The following ATP10B variants were observed in gnomAD, a reference collection of about 807,000 sequenced individuals.
ATP10B encodes ATPase phospholipid transporting 10B (putative), also known as phospholipid-transporting ATPase VB.
A neutral mutation model predicts 141.2 loss-of-function variants in ATP10B; 122 were observed. The observed-to-expected ratio is 0.86, with a 90% CI of 0.75 to 1.00. The LOEUF (loss-of-function observed/expected upper bound fraction) is 1.00. Ranked by LOEUF, ATP10B falls within the 50% of genes least tolerant of loss-of-function variation. ATP10B has a pLI of 0.00. For missense variants in ATP10B, 1,876 were observed against 1,825.3 expected, an observed-to-expected ratio of 1.03 and a Z score of -0.51; for synonymous variants, 685 against 692.0, an observed-to-expected ratio of 0.99 and a Z score of 0.16.
chr5:160,819,813 C>CA (rs1773963862), intron 1 of ATP10B, among the ~76,000 whole-genome samples: 2 of 151,660 alleles, frequency 1.3e-5, no homozygotes, highest in South Asian at 4.2e-4. Context: ...CACCCTAAAT[C>CA]AAAAAACATA....
chr5:160,919,223 C>CAAAAAA, the ATP10B span, among the ~76,000 whole-genome samples: 441 of 26,940 alleles, frequency 0.016, 90 homozygotes, highest in East Asian at 0.2. Context: ...AACTCCGTCT[C>CAAAAAA]AAAAAAAAAA....
At chr5:160,789,282 A>C (rs538670270) in intron 1 of ATP10B, among the ~76,000 whole-genome samples, 8 of 152,158 alleles carry the variant, frequency 5.3e-5, no homozygotes, top group African/African-American at 1.9e-4. Flanking sequence ...GCAACAAGGG[A>C]TATGTTCTAA....
the ATP10B span, among the ~76,000 whole-genome samples, chr5:160,859,428 T>A: frequency 4.0e-5 from 6 of 151,860 alleles, no homozygotes; most frequent in African/African-American, 1.4e-4. Context: ...TATCTTGGTG[T>A]AGATTTCTTT....
chr5:160,889,006 T>C, the ATP10B span, among the ~76,000 whole-genome samples: 1 of 152,146 alleles, frequency 6.6e-6, no homozygotes, highest in Non-Finnish European at 1.5e-5. Flanking sequence ...AGACAAAATC[T>C]ACTGTGGGGA....
chr5:160,661,393 A>T (rs1384034422), intron 7 of ATP10B, among the ~76,000 whole-genome samples: 1 of 152,214 alleles, frequency 6.6e-6, no homozygotes, highest in Non-Finnish European at 1.5e-5. Flanking sequence ...TTGAAAACTG[A>T]TTTGAAAGCT....
At chr5:160,707,265 C>G (rs1056162952) in intron 3 of ATP10B, among the ~76,000 whole-genome samples, 4 of 152,190 alleles carry the variant, frequency 2.6e-5, no homozygotes, top group African/African-American at 9.6e-5. Context: ...TTATTCTCAT[C>G]TGAAACAATA....
intron 24 of ATP10B, among the ~76,000 whole-genome samples, chr5:160,587,711 C>G (rs963865637): frequency 6.6e-6 from 1 of 152,186 alleles, no homozygotes; most frequent in African/African-American, 2.4e-5. Context: ...GAAGTACATT[C>G]ATGATTTGGT....
At chr5:160,846,945 C>A (rs894455954) in intron 1 of ATP10B, among the ~76,000 whole-genome samples, 4 of 152,146 alleles carry the variant, frequency 2.6e-5, no homozygotes, top group Non-Finnish European at 5.9e-5. Flanking sequence ...TGATCCTATG[C>A]GGTTGAAGCC....
chr5:160,927,977 C>T, the ATP10B span, among the ~76,000 whole-genome samples: 1 of 150,760 alleles, frequency 6.6e-6, no homozygotes, highest in African/African-American at 2.4e-5. Flanking sequence ...GTGTTCCAGG[C>T]AGAGGGAAGA....
At chr5:160,659,417 A>T (rs1480635972) in intron 7 of ATP10B, among the ~76,000 whole-genome samples, 1 of 152,168 alleles carries the variant, frequency 6.6e-6, no homozygotes, top group East Asian at 1.9e-4. Flanking sequence ...GTGAGCTGAG[A>T]TCGCGCCATT....
Position 160,591,440 on chromosome 5 carries a change from CTACCTAGTAAG to C in ATP10B, c.3565-312_3565-302del, listed in dbSNP as rs1486343132. Among the ~76,000 whole-genome samples, 4 of 152,190 alleles carry C rather than the reference CTACCTAGTAAG, an allele frequency of 2.6e-5. No individual in the cohort carries two copies. In the East Asian group the frequency reaches 7.7e-4, roughly 29 times the overall value. On this transcript the variant is annotated intron_variant, in intron 22 of 25. Coordinates refer to ENST00000327245, the MANE Select transcript of ATP10B (RefSeq NM_025153.3). ...TCAAGAGGAGTAAATGCAATTGTGCCTACCTAGTAAGTACTCAGGCCTTAGTGCCTAGCCAA... is the reference window on the plus strand; with the variant it reads ...TCAAGAGGAGTAAATGCAATTGTGCCTACTCAGGCCTTAGTGCCTAGCCAA...
rs1197768853 is a variant in ATP10B at position 160,767,324 on chromosome 5, A to T, written c.-331+18235T>A. On this transcript the variant is annotated intron_variant, in intron 2 of 25. Coordinates refer to ENST00000327245, the MANE Select transcript of ATP10B (RefSeq NM_025153.3). ...AACCTGAGAAAAGCAGCTGTCTTTG[A>T]CTGAATACTCCCAGTGTGTCAGGCA... is the stretch of plus-strand genomic sequence containing the variant. Among the ~76,000 whole-genome samples, 5 of 152,120 alleles carry T rather than the reference A, an allele frequency of 3.3e-5. No homozygotes were observed. The East Asian group carries it at 9.6e-4, about 29-fold the overall frequency.
intron 6 of ATP10B, among the ~76,000 whole-genome samples, chr5:160,671,020 C>G (rs1482750385): frequency 6.6e-6 from 1 of 151,742 alleles, no homozygotes; most frequent in Non-Finnish European, 1.5e-5. Flanking sequence ...CAAAAATTAG[C>G]TGGGTGTGGT....
chr5:160,910,476 G>A, the ATP10B span, among the ~76,000 whole-genome samples: 1 of 152,154 alleles, frequency 6.6e-6, no homozygotes, highest in Non-Finnish European at 1.5e-5. Context: ...CTGGCCCGTA[G>A]TATGTGCTCA....
chr5:160,921,320 T>C, the ATP10B span, among the ~76,000 whole-genome samples: 3 of 152,164 alleles, frequency 2.0e-5, no homozygotes, highest in African/African-American at 7.2e-5. Flanking sequence ...GTTTCATAAT[T>C]GTACATAAAG....
At chr5:160,644,055 G>T in intron 9 of ATP10B, 83 bp downstream of exon 9, 1 of 1,128,826 alleles carries the variant, frequency 8.9e-7, no homozygotes, top group South Asian at 1.3e-5. Flanking sequence ...GTGAACAGTT[G>T]TTGGTTCCCA....
chr5:160,646,636 T>C (rs374885569), intron 8 of ATP10B, among the ~76,000 whole-genome samples: 1 of 152,204 alleles, frequency 6.6e-6, no homozygotes, highest in Non-Finnish European at 1.5e-5. Context: ...AGGCTGGCTG[T>C]GGATTTAATA....
chr5:160,811,550 C>T (rs560403675), intron 1 of ATP10B, among the ~76,000 whole-genome samples: 1 of 152,144 alleles, frequency 6.6e-6, no homozygotes, highest in Non-Finnish European at 1.5e-5. Flanking sequence ...CAATACTTCC[C>T]GTGGATCAGT....
In ATP10B at chr5:160,575,989, C is replaced by T. The variant is rs781418990; in HGVS notation, c.3751-6306G>A. Among the ~76,000 whole-genome samples, 9 of 152,282 alleles carry T rather than the reference C, an allele frequency of 5.9e-5. No homozygotes were observed. The South Asian group carries it at 1.9e-3, about 32-fold the overall frequency. On this transcript the variant is annotated intron_variant, in intron 24 of 25. Transcript: ENST00000327245. The stretch of plus-strand genomic sequence containing the variant: ...CTTTCTACATTACGGCAAGAAATTG[C>T]CAGTTGCTCCAGGCTTCCAAACAAC...
Sources: allele counts gnomAD v4.1 joint callset (sites outside exome capture counted in the v4.1 genomes callset), GRCh38; gene constraint gnomAD v4.1.1; transcripts MANE v1.5; gene names NCBI Gene and HGNC (gene_info 2026-07-23, HGNC 2026-07-21).